The following CDH13 variants were observed in gnomAD, a reference collection of about 807,000 sequenced individuals.
CDH13 encodes the protein cadherin-13.
A neutral mutation model predicts 63.8 loss-of-function variants in CDH13; 24 were observed. The ratio of observed to expected loss-of-function variants is 0.38; its 90% CI spans 0.27 to 0.53. The LOEUF (loss-of-function observed/expected upper bound fraction) is 0.53, where lower values mean the gene tolerates loss of function less well. CDH13 is among the 20% of genes least tolerant of loss of function. The probability of loss-of-function intolerance (pLI) is 0.85; values close to 1 mark genes in which losing one functional copy is unlikely to be tolerated. For synonymous variants in CDH13, 503 were observed against 355.3 expected (o/e 1.42, Z -4.67); for missense variants, 1,049 against 903.1 (o/e 1.16, Z -2.07).
At chr16:83,760,769 A>G (rs954273175) in intron 11 of CDH13, among the ~76,000 whole-genome samples, 7 of 152,196 alleles carry the variant, frequency 4.6e-5, no homozygotes, top group Non-Finnish European at 5.9e-5. Flanking sequence ...CTATGTTTCA[A>G]TAAGAACCTA....
At chr16:82,752,614 C>A (rs2034462814) in intron 1 of CDH13, among the ~76,000 whole-genome samples, 1 of 152,166 alleles carries the variant, frequency 6.6e-6, no homozygotes, top group African/African-American at 2.4e-5. Context: ...TAACAAACAC[C>A]TACTCAAACA....
intron 3 of CDH13, among the ~76,000 whole-genome samples, chr16:83,113,873 C>G (rs2035179747): frequency 6.6e-6 from 1 of 152,154 alleles, no homozygotes; most frequent in South Asian, 2.1e-4. Flanking sequence ...CATCGGGATC[C>G]AAGCCTGCTG....
chr16:83,158,644 A>C (rs2037317492), intron 4 of CDH13, among the ~76,000 whole-genome samples: 1 of 152,198 alleles, frequency 6.6e-6, no homozygotes, highest in South Asian at 2.1e-4. Context: ...CAGGCCGGGG[A>C]CTGCTGCAGA....
intron 4 of CDH13, among the ~76,000 whole-genome samples, chr16:83,164,179 TACATGCTTATCATAGG>T (rs1302093156): frequency 7.9e-5 from 12 of 152,112 alleles, no homozygotes; most frequent in African/African-American, 2.9e-4. Context: ...GTTAGTTCTT[TACATGCTTATCATAGG>T]TAATCCTCTG....
chr16:83,647,922 GCA>G (rs1381267345), intron 8 of CDH13, among the ~76,000 whole-genome samples: 1 of 152,108 alleles, frequency 6.6e-6, no homozygotes, highest in Non-Finnish European at 1.5e-5. Context: ...TGTGTTATAA[GCA>G]CACATGCAAG....
intron 1 of CDH13, among the ~76,000 whole-genome samples, chr16:82,818,288 C>T (rs543917275): frequency 1.2e-3 from 178 of 152,160 alleles, no homozygotes; most frequent in Admixed American, 1.9e-3. Context: ...GCCAAGGTCA[C>T]GTAGCTAGTA....
Position 83,164,959 on chromosome 16 carries a change from C to T in CDH13, c.483+39458C>T, listed in dbSNP as rs528290353. On this transcript the variant is annotated intron_variant, in intron 4 of 13. Transcript: ENST00000567109. Reference sequence around the variant, plus strand: ...ACAGGGTGCCCAGGTAAAACCATGGCAGAACTGGAGACAATCCAGGCAGCC... The same window carrying T: ...ACAGGGTGCCCAGGTAAAACCATGGTAGAACTGGAGACAATCCAGGCAGCC... Among the ~76,000 whole-genome samples, 49 of 151,638 alleles carry T rather than the reference C, an allele frequency of 3.2e-4. 2 individuals are homozygous for T. The South Asian group carries it at 0.01, about 32-fold the overall frequency.
intron 4 of CDH13, among the ~76,000 whole-genome samples, chr16:83,204,792 T>C (rs182658075): frequency 6.6e-6 from 1 of 152,214 alleles, no homozygotes; most frequent in African/African-American, 2.4e-5. Flanking sequence ...GTGTTCCTCG[T>C]TGTCATTGTC....
chr16:82,690,493 A>G (rs1417595991), intron 1 of CDH13, among the ~76,000 whole-genome samples: 2 of 152,214 alleles, frequency 1.3e-5, no homozygotes, highest in African/African-American at 4.8e-5. Flanking sequence ...AAGAGGAAGC[A>G]CACAAGTTTG....
At chr16:82,704,993 A>G in intron 1 of CDH13, 3 of 365,204 alleles carry the variant, frequency 8.2e-6, no homozygotes, top group South Asian at 2.1e-5. Context: ...CTGCCTCATG[A>G]GGAAGGTGAA....
At chr16:83,373,317 C>G (rs1206823429) in intron 6 of CDH13, among the ~76,000 whole-genome samples, 1 of 152,114 alleles carries the variant, frequency 6.6e-6, no homozygotes, top group Non-Finnish European at 1.5e-5. Context: ...AGGAACAGTG[C>G]TCCACAGAGA....
chr16:83,474,127 G>C (rs1396739295), intron 6 of CDH13, among the ~76,000 whole-genome samples: 2 of 152,124 alleles, frequency 1.3e-5, no homozygotes, highest in Non-Finnish European at 2.9e-5. Flanking sequence ...AAATAGAGAT[G>C]ATCTAATTAC....
chr16:83,170,193 A>G (rs1489346091), intron 4 of CDH13, among the ~76,000 whole-genome samples: 4 of 152,136 alleles, frequency 2.6e-5, no homozygotes, highest in African/African-American at 9.6e-5. Context: ...TTAACACATG[A>G]CAATAAACCC....
At chr16:83,585,128 G>A (rs1469610289) in intron 7 of CDH13, among the ~76,000 whole-genome samples, 1 of 152,174 alleles carries the variant, frequency 6.6e-6, no homozygotes, top group African/African-American at 2.4e-5. Flanking sequence ...CTGCAGACAC[G>A]TGTCTCTGGT....
At chr16:83,024,061 G>C (rs955959678) in intron 2 of CDH13, among the ~76,000 whole-genome samples, 12 of 151,846 alleles carry the variant, frequency 7.9e-5, no homozygotes, top group East Asian at 1.9e-4. Flanking sequence ...CTGATATTTG[G>C]ATATCATAGC....
chr16:83,438,453 A>G (rs1340516283), intron 6 of CDH13, among the ~76,000 whole-genome samples: 1 of 152,250 alleles, frequency 6.6e-6, no homozygotes, highest in Non-Finnish European at 1.5e-5. Context: ...AATAGCACCT[A>G]GGGCAGGGCC....
At chr16:83,379,106 G>T (rs1487123108) in intron 6 of CDH13, among the ~76,000 whole-genome samples, 1 of 152,040 alleles carries the variant, frequency 6.6e-6, no homozygotes, top group East Asian at 1.9e-4. Context: ...CCCATGGGAA[G>T]AATACAATGT....
intron 1 of CDH13, among the ~76,000 whole-genome samples, chr16:82,680,295 T>G (rs1914405017): frequency 6.6e-6 from 1 of 152,264 alleles, no homozygotes; most frequent in African/African-American, 2.4e-5. Context: ...AAGTACTTTC[T>G]GCATGTCGTG....
At chr16:83,582,761 T>C (rs1158594188) in intron 7 of CDH13, among the ~76,000 whole-genome samples, 3 of 152,240 alleles carry the variant, frequency 2.0e-5, no homozygotes, top group African/African-American at 7.2e-5. Context: ...TCCTGAAGAC[T>C]GAGCTCTCTT....
Sources: allele counts gnomAD v4.1 joint callset (sites outside exome capture counted in the v4.1 genomes callset), GRCh38; gene constraint gnomAD v4.1.1; transcripts MANE v1.5; gene names NCBI Gene and HGNC (gene_info 2026-07-23, HGNC 2026-07-21).